Variants in CAMK1G observed in about 807,000 individuals in gnomAD.
CAMK1G encodes calcium/calmodulin-dependent protein kinase type 1G.
Under a neutral mutation model 54.8 loss-of-function variants are expected in CAMK1G, and 27 were observed. That is an observed-to-expected ratio of 0.49 (90% CI 0.36 to 0.68). The LOEUF (loss-of-function observed/expected upper bound fraction) is 0.68. Among genes scored for constraint, CAMK1G ranks in the 30% least tolerant of loss-of-function variants. The pLI is 0.00. For synonymous variants in CAMK1G, 238 were observed against 224.9 expected (o/e 1.06, Z -0.52); for missense variants, 512 against 591.0 (o/e 0.87, Z 1.39).
rs373034400 is a variant in CAMK1G at position 209,612,896 on chromosome 1, G to A, written c.*21G>A. ...TGTGATTCCTGGAGCCTGTGCCTAT[G>A]TCACTGCAATTTTCAGGTTAGGAGG... On this transcript the variant is annotated 3_prime_UTR_variant, in exon 12 of 13. Transcript: ENST00000361322. The A allele has an allele frequency of 3.9e-5, 59 of 1,530,412 alleles. No individual in the cohort carries two copies. Among genetic ancestry groups the A allele is most frequent in the Admixed American group, 5.0e-5 (3 of 59,916 alleles). The allele number at this position is 1,530,412 out of a possible 1,614,324, so 94.8% of individuals were successfully genotyped here. A position where few individuals can be genotyped will look rare whatever the true frequency, so the allele number is the denominator to read the frequency against.
chr1:209,603,314 T>C (rs1263411927), intron 4 of CAMK1G, 26 bp downstream of exon 4: 5 of 1,596,646 alleles, frequency 3.1e-6, no homozygotes, highest in Non-Finnish European at 4.3e-6. Context: ...CTTGCTTCCT[T>C]CACAGAGGCC....
chr1:209,599,479 G>T (rs565024148), intron 2 of CAMK1G, among the ~76,000 whole-genome samples: 6 of 152,342 alleles, frequency 3.9e-5, no homozygotes, highest in African/African-American at 1.4e-4. Context: ...GTAGAAAGAT[G>T]ATTCTTTCCT....
At chr1:209,602,820 A>C (rs983504381) in intron 3 of CAMK1G, among the ~76,000 whole-genome samples, 2 of 152,202 alleles carry the variant, frequency 1.3e-5, no homozygotes, top group African/African-American at 4.8e-5. Flanking sequence ...TGGGATACTC[A>C]ACCTGTACTT....
intron 2 of CAMK1G, among the ~76,000 whole-genome samples, chr1:209,598,473 T>C (rs1236500528): frequency 6.6e-6 from 1 of 152,240 alleles, no homozygotes; most frequent in Admixed American, 6.5e-5. Flanking sequence ...GACTCTGTAG[T>C]GGCTTCTTTT....
At chr1:209,597,313 C>T (rs925535678) in intron 2 of CAMK1G, among the ~76,000 whole-genome samples, 6 of 152,284 alleles carry the variant, frequency 3.9e-5, no homozygotes, top group African/African-American at 1.4e-4. Flanking sequence ...AGCAGGGGCC[C>T]TGTCTTAAGT....
intron 1 of CAMK1G, among the ~76,000 whole-genome samples, chr1:209,592,418 G>A (rs947221107): frequency 1.3e-5 from 2 of 151,690 alleles, no homozygotes; most frequent in Non-Finnish European, 2.9e-5. Flanking sequence ...ACACCAGAGA[G>A]GTGCACAGCT....
chr1:209,592,281 G>A (rs1445063285), intron 1 of CAMK1G, among the ~76,000 whole-genome samples: 1 of 148,682 alleles, frequency 6.7e-6, no homozygotes, highest in Non-Finnish European at 1.5e-5. Context: ...GGAGGTTGAG[G>A]CTGCAGTAAG....
intron 7 of CAMK1G, among the ~76,000 whole-genome samples, chr1:209,608,642 G>GCTTACATT (rs1405935846): frequency 6.6e-6 from 1 of 152,156 alleles, no homozygotes; most frequent in African/African-American, 2.4e-5. Flanking sequence ...CCTTCATCAA[G>GCTTACATT]CTTACATTCA....
Position 209,606,615 on chromosome 1 carries a change from T to A in CAMK1G, c.559+172T>A, listed in dbSNP as rs1362617291. On this transcript the variant is annotated intron_variant, in intron 6 of 12. Transcript: ENST00000361322. ...GCCAATTCATCCGTCTCAGGATCTATCTCTACTGCTCCCAAATTCTACATT... is the reference window on the plus strand; with the variant it reads ...GCCAATTCATCCGTCTCAGGATCTAACTCTACTGCTCCCAAATTCTACATT... Among the ~76,000 whole-genome samples, 3 of 152,214 alleles carry A rather than the reference T, an allele frequency of 2.0e-5. No individual in the cohort carries two copies. The East Asian group carries it at 5.8e-4, about 29-fold the overall frequency.
At position 209,611,876 on chromosome 1, in the gene CAMK1G, G is replaced by A. The variant is rs752282907; in HGVS notation, c.1000G>A (p.Glu334Lys). Reference protein sequence around the residue: ...LHSPGVRPEVENRPPETQASE... With the variant: ...LHSPGVRPEVKNRPPETQASE... ...CAGCCCGGGCGTCCGCCCAGAGGTG[G>A]AGAACAGGCCGCCTGAAACTCAAGC... Residue 334 changes from glutamate to lysine, a missense_variant, in exon 11 of 13, where the codon GAG becomes AAG. Physicochemically the swap from Glu to Lys is moderately conservative, Grantham distance 56. This residue lies in a region of CAMK1G where 315 missense variants were observed against 330.5 expected (regional missense o/e 0.95). Coordinates refer to ENST00000361322, the MANE Select transcript of CAMK1G (RefSeq NM_020439.3). The A allele has an allele frequency of 1.2e-6, 2 of 1,614,266 alleles. No homozygotes were observed. Among genetic ancestry groups the A allele is most frequent in the Non-Finnish European group, 8.5e-7 (1 of 1,180,052 alleles).
intron 3 of CAMK1G, 91 bp from the exon 4 acceptor site, chr1:209,603,123 G>GC: frequency 8.4e-7 from 1 of 1,194,556 alleles, no homozygotes; most frequent in Non-Finnish European, 1.2e-6. Context: ...GCCATCAAAA[G>GC]CCTCCAACAG....
rs1028144239 is a variant in CAMK1G at position 209,603,130 on chromosome 1, A to G, written c.222-84A>G. 7.5e-6 allele frequency: 10 copies of G among 1,338,402 alleles called. No individual in the cohort carries two copies. In the African/African-American group the frequency reaches 1.3e-4, roughly 17 times the overall value. 82.9% of individuals were successfully genotyped at this position (1,338,402 alleles called of 1,614,324 possible). A position where few individuals can be genotyped will look rare whatever the true frequency, so the allele number is the denominator to read the frequency against. On this transcript the variant is annotated intron_variant, in intron 3 of 12. Transcript: ENST00000361322. Reference sequence around the variant, plus strand: ...TAAACATTGCCATCAAAAGCCTCCAACAGAAACTTTTGGGCTAGGTCTGCA... The same window carrying G: ...TAAACATTGCCATCAAAAGCCTCCAGCAGAAACTTTTGGGCTAGGTCTGCA...
At position 209,612,230 on chromosome 1, in the gene CAMK1G, G is replaced by A. The variant is rs1162426993; in HGVS notation, c.1340+14G>A. ...CAACAAAAAACAGTACGTATTTTTAGCCAAAGATGGAGCCCCAGCTTGGGT... is the reference window on the plus strand; with the variant it reads ...CAACAAAAAACAGTACGTATTTTTAACCAAAGATGGAGCCCCAGCTTGGGT... On this transcript the variant is annotated intron_variant, in intron 11 of 12. Transcript: ENST00000361322. The A allele has an allele frequency of 9.3e-6, 15 of 1,609,000 alleles. No homozygotes were observed. Among genetic ancestry groups the A allele is most frequent in the Non-Finnish European group, 1.3e-5 (15 of 1,176,170 alleles).
chr1:209,606,345 C>G lies in CAMK1G; in HGVS notation c.461C>G (p.Pro154Arg). The G allele has an allele frequency of 1.2e-6, 2 of 1,614,080 alleles. No homozygotes were observed. The highest frequency in any genetic ancestry group is 1.7e-6 in the Non-Finnish European group (2 of 1,179,984). Residue 154 changes from proline (P) to arginine (R), a missense_variant, in exon 6 of 13, where the codon CCT becomes CGT. Physicochemically the swap from Pro to Arg is moderately radical, Grantham distance 103. Transcript: ENST00000361322. The part of the protein sequence containing the change: ...LKPENLLYLT[P>R]EENSKIMITD... ...CCCGAAAACCTGCTTTACCTTACCC[C>G]TGAAGAGAACTCTAAGATCATGATC...
intron 1 of CAMK1G, among the ~76,000 whole-genome samples, chr1:209,587,878 G>A (rs1037910193): frequency 2.0e-5 from 3 of 150,990 alleles, no homozygotes; most frequent in South Asian, 2.1e-4. Context: ...TCCATGATTC[G>A]GTGTGCCCCA....
At position 209,603,211 on chromosome 1, in the gene CAMK1G, C is replaced by A. The variant is rs961424066; in HGVS notation, c.222-3C>A. ...CTTTCATCATGCACTTTATTTTTCC[C>A]AGGATCAAGCATGAAAACATTGTGA... On this transcript the variant is annotated splice_region_variant and splice_polypyrimidine_tract_variant and intron_variant, in intron 3 of 12. Coordinates refer to ENST00000361322, the MANE Select transcript of CAMK1G (RefSeq NM_020439.3). The A allele has an allele frequency of 8.7e-6, 14 of 1,613,862 alleles. No individual in the cohort carries two copies. The highest frequency in any genetic ancestry group is 1.2e-5 in the Non-Finnish European group (14 of 1,179,930).
intron 8 of CAMK1G, among the ~76,000 whole-genome samples, chr1:209,609,438 T>C (rs1480451178): frequency 6.6e-6 from 1 of 152,132 alleles, no homozygotes; most frequent in African/African-American, 2.4e-5. Context: ...AGAAAGAGCA[T>C]GCAATGTCTA....
rs372707538 is a variant in CAMK1G at position 209,600,102 on chromosome 1, T to A, written c.212T>A (p.Val71Glu). Residue 71 changes from valine to glutamate, a missense_variant, in exon 3 of 13, where the codon GTG (valine) becomes GAG (glutamate). Around this residue, in one of 3 missense-constraint regions of CAMK1G, gnomAD observed 186 missense variants for 231.5 expected, o/e 0.80. Coordinates refer to ENST00000361322, the MANE Select transcript of CAMK1G (RefSeq NM_020439.3). ...AGCAGCCTGGAGAATGAGATTGCTG[T>A]GTTGAAAAAGTGAGTGGGTCTTAGT... Reference protein sequence around the residue: ...RDSSLENEIAVLKKIKHENIV... With the variant: ...RDSSLENEIAELKKIKHENIV... 2 of 1,613,360 alleles carry A rather than the reference T, an allele frequency of 1.2e-6. No individual in the cohort carries two copies. Among genetic ancestry groups the A allele is most frequent in the African/African-American group, 1.3e-5 (1 of 74,880 alleles).
chr1:209,601,295 A>G (rs929185228), intron 3 of CAMK1G, among the ~76,000 whole-genome samples: 1 of 152,240 alleles, frequency 6.6e-6, no homozygotes, highest in African/African-American at 2.4e-5. Context: ...GAGATGTTTC[A>G]AAGAGAGAAG....
Sources: gnomAD v4.1 joint callset for allele counts (sites outside exome capture counted in the v4.1 genomes callset) on GRCh38, gnomAD v4.1.1 for gene constraint, gnomAD v4.1.1 regional missense constraint, MANE v1.5 for transcripts, NCBI Gene and HGNC (gene_info 2026-07-23, HGNC 2026-07-21) for gene names.